PPP2R2B: variants seen among roughly 807,000 people sequenced by gnomAD.
The protein encoded by PPP2R2B is protein phosphatase 2 regulatory subunit Bbeta.
In PPP2R2B, 5 loss-of-function variants were observed where a neutral mutation model predicts 46.0. The ratio of observed to expected loss-of-function variants is 0.11; its 90% CI spans 0.06 to 0.23. The LOEUF (loss-of-function observed/expected upper bound fraction) is 0.23, where lower values mean the gene tolerates loss of function less well. Ranked by LOEUF, PPP2R2B falls within the 10% of genes least tolerant of loss-of-function variation. The pLI is 1.00. For synonymous variants in PPP2R2B, 215 were observed against 206.7 expected (o/e 1.04, Z -0.34); for missense variants, 367 against 575.0 (o/e 0.64, Z 3.70).
chr5:146,867,749 G>A lies in PPP2R2B; in HGVS notation c.70+10253C>T, dbSNP rs1052721208. Among the ~76,000 whole-genome samples, 11 of 152,094 alleles carry A rather than the reference G, an allele frequency of 7.2e-5. No individual in the cohort carries two copies. In the South Asian group the frequency reaches 8.3e-4, roughly 11 times the overall value. On this transcript the variant is annotated intron_variant, in intron 2 of 9. Coordinates refer to ENST00000394411, the MANE Select transcript of PPP2R2B (RefSeq NM_181675.4). Reference sequence around the variant, plus strand: ...TGGTTAATTATATTTTGAGAAGGACGGAGTGTCACCTGCCCAAATAGATGG... The same window carrying A: ...TGGTTAATTATATTTTGAGAAGGACAGAGTGTCACCTGCCCAAATAGATGG...
chr5:146,990,209 T>C (rs536154705), intron 1 of PPP2R2B, among the ~76,000 whole-genome samples: 1 of 151,932 alleles, frequency 6.6e-6, no homozygotes, highest in East Asian at 1.9e-4. Context: ...AATGATATTC[T>C]TCTCATAAAT....
At chr5:146,598,837 C>T (rs1272408271) in intron 8 of PPP2R2B, among the ~76,000 whole-genome samples, 1 of 152,140 alleles carries the variant, frequency 6.6e-6, no homozygotes, top group Non-Finnish European at 1.5e-5. Flanking sequence ...AATGTCCCTC[C>T]CACAGTTTCT....
chr5:146,595,815 T>C lies in PPP2R2B; in HGVS notation c.961-2753A>G, dbSNP rs923459474. Among the ~76,000 whole-genome samples, 15 of 152,232 alleles carry C rather than the reference T, an allele frequency of 9.9e-5. 1 individual carries two copies. Among genetic ancestry groups the C allele is most frequent in the Admixed American group, 6.5e-4 (10 of 15,292 alleles). On this transcript the variant is annotated intron_variant, in intron 8 of 9. Coordinates refer to ENST00000394411, the MANE Select transcript of PPP2R2B (RefSeq NM_181675.4). ...AAAACTCATCCTATTTGATGTTCTT[T>C]CTTCATGTTCCTAGTATGACTTTTC...
At chr5:147,018,798 T>G (rs1755126405) in intron 1 of PPP2R2B, among the ~76,000 whole-genome samples, 1 of 152,118 alleles carries the variant, frequency 6.6e-6, no homozygotes, top group Non-Finnish European at 1.5e-5. Context: ...TTTAGTGATG[T>G]CCTCCTGGTG....
intron 5 of PPP2R2B, among the ~76,000 whole-genome samples, chr5:146,676,946 G>T (rs903694541): frequency 6.6e-6 from 1 of 152,162 alleles, no homozygotes; most frequent in African/African-American, 2.4e-5. Context: ...GTCCATCTGC[G>T]TAAAGGATTT....
chr5:146,600,557 G>C, intron 7 of PPP2R2B, 97 bp from the exon 8 acceptor site: 2 of 1,200,498 alleles, frequency 1.7e-6, no homozygotes, highest in Non-Finnish European at 2.4e-6. Context: ...GTAACTGAGA[G>C]TCTTAAGTAG....
At chr5:146,672,259 G>A (rs895278052) in intron 5 of PPP2R2B, among the ~76,000 whole-genome samples, 2 of 152,180 alleles carry the variant, frequency 1.3e-5, no homozygotes, top group Non-Finnish European at 2.9e-5. Context: ...AAAAGGCAAA[G>A]CATTGGTTTT....
chr5:146,710,159 A>C (rs1780137142), intron 2 of PPP2R2B, among the ~76,000 whole-genome samples: 1 of 152,214 alleles, frequency 6.6e-6, no homozygotes, highest in East Asian at 1.9e-4. Flanking sequence ...CTGGGATAGA[A>C]TGCCAACCCC....
At chr5:147,018,043 G>GCGCA (rs1232082609) in intron 1 of PPP2R2B, among the ~76,000 whole-genome samples, 13 of 48,246 alleles carry the variant, frequency 2.7e-4, no homozygotes, top group African/African-American at 1.3e-3. Context: ...GCATGCGCGC[G>GCGCA]CACACACACA....
upstream of PPP2R2B, among the ~76,000 whole-genome samples, chr5:146,881,103 G>T (rs138198289): frequency 8.2e-3 from 1,249 of 152,270 alleles, 19 homozygotes; most frequent in African/African-American, 0.028. Context: ...GTAGGCTGCA[G>T]AGATCAGTCT....
At chr5:146,799,195 C>A (rs560403225) in intron 2 of PPP2R2B, among the ~76,000 whole-genome samples, 1 of 152,136 alleles carries the variant, frequency 6.6e-6, no homozygotes, top group Non-Finnish European at 1.5e-5. Context: ...TGTTTTCTAG[C>A]GATGAACATA....
intron 1 of PPP2R2B, among the ~76,000 whole-genome samples, chr5:146,912,632 G>A (rs1230569581): frequency 1.3e-5 from 2 of 151,634 alleles, no homozygotes; most frequent in African/African-American, 4.8e-5. Flanking sequence ...GGCCTCCTGA[G>A]TAGCTGGGAT....
intron 9 of PPP2R2B, among the ~76,000 whole-genome samples, 159 bp from the exon 10 acceptor site, chr5:146,590,385 G>GA (rs1770500224): frequency 8.5e-6 from 1 of 117,732 alleles, no homozygotes. Flanking sequence ...TTGGCTTTTT[G>GA]TTTTTTTTTT....
Position 146,590,241 on chromosome 5 carries a change from G to T in PPP2R2B, c.1053-15C>A, listed in dbSNP as rs780264947. The T allele has an allele frequency of 1.3e-6, 2 of 1,510,172 alleles. No homozygotes were observed. The highest frequency in any genetic ancestry group is 1.8e-6 in the Non-Finnish European group (2 of 1,129,856). The allele number at this position is 1,510,172 out of a possible 1,614,324, so 93.5% of individuals were successfully genotyped here. A position where few individuals can be genotyped will look rare whatever the true frequency, so the allele number is the denominator to read the frequency against. On this transcript the variant is annotated splice_polypyrimidine_tract_variant and intron_variant, in intron 9 of 9. Coordinates refer to ENST00000394411, the MANE Select transcript of PPP2R2B (RefSeq NM_181675.4). ...TCATGATGACACTGCAAGGCAGAGAGCAAAGGCAATGACATATCTTCACTG... is the reference window on the plus strand; with the variant it reads ...TCATGATGACACTGCAAGGCAGAGATCAAAGGCAATGACATATCTTCACTG...
At chr5:146,667,961 A>G (rs1261411953) in intron 5 of PPP2R2B, among the ~76,000 whole-genome samples, 1 of 152,198 alleles carries the variant, frequency 6.6e-6, no homozygotes, top group Non-Finnish European at 1.5e-5. Flanking sequence ...GAGCCCTGTA[A>G]TTGGGTCTCA....
intron 2 of PPP2R2B, among the ~76,000 whole-genome samples, chr5:146,702,193 T>C (rs1779581550): frequency 6.6e-6 from 1 of 152,194 alleles, no homozygotes; most frequent in Non-Finnish European, 1.5e-5. Flanking sequence ...CCCTGAGTAA[T>C]TCTGATCTCA....
At chr5:146,772,794 G>A (rs577002950) in intron 2 of PPP2R2B, among the ~76,000 whole-genome samples, 19 of 152,188 alleles carry the variant, frequency 1.2e-4, no homozygotes, top group Non-Finnish European at 2.2e-4. Context: ...GGCCACAAAC[G>A]TTTAAGAACA....
At chr5:147,009,330 G>T (rs962925754) in intron 1 of PPP2R2B, among the ~76,000 whole-genome samples, 1 of 151,862 alleles carries the variant, frequency 6.6e-6, no homozygotes, top group Non-Finnish European at 1.5e-5. Context: ...TTACTTTTTA[G>T]TCTCACCTCT....
chr5:146,959,985 A>G (rs1752096749), intron 1 of PPP2R2B, among the ~76,000 whole-genome samples: 2 of 152,210 alleles, frequency 1.3e-5, no homozygotes, highest in Admixed American at 6.5e-5. Flanking sequence ...AGCCATTGAT[A>G]GGTTTTAAGC....
Sources: allele counts gnomAD v4.1 joint callset (sites outside exome capture counted in the v4.1 genomes callset), GRCh38; gene constraint gnomAD v4.1.1; transcripts MANE v1.5; gene names NCBI Gene and HGNC (gene_info 2026-07-23, HGNC 2026-07-21).